Variants in CKAP2 observed in about 807,000 individuals in gnomAD.
CKAP2 encodes the protein cytoskeleton-associated protein 2.
A neutral mutation model predicts 58.4 loss-of-function variants in CKAP2; 46 were observed. The observed-to-expected ratio is 0.79, with a 90% CI of 0.62 to 1.01. The LOEUF (loss-of-function observed/expected upper bound fraction) is 1.01. CKAP2 is among the 50% of genes least tolerant of loss of function. CKAP2 has a pLI of 0.00. For missense variants in CKAP2, 809 were observed against 796.4 expected (o/e 1.02, Z -0.19); for synonymous variants, 293 against 280.9 (o/e 1.04, Z -0.43).
chr13:52,473,686 T>C, intron 7 of CKAP2, 143 bp from the exon 8 acceptor site: 1 of 640,226 alleles, frequency 1.6e-6, no homozygotes, highest in Non-Finnish European at 2.7e-6. Context: ...CAGCAGTATT[T>C]GCTGAGGAAA....
At chr13:52,456,319 GT>G in intron 1 of CKAP2, 1 of 685,086 alleles carries the variant, frequency 1.5e-6, no homozygotes, top group Non-Finnish European at 2.1e-6. Context: ...ATGCAGAGGG[GT>G]TTTGGGGACC....
At chr13:52,470,801 G>T (rs933605935) in intron 7 of CKAP2, among the ~76,000 whole-genome samples, 1 of 152,106 alleles carries the variant, frequency 6.6e-6, no homozygotes, top group Admixed American at 6.5e-5. Context: ...GAGAAGGAGG[G>T]AGAGAAGGGA....
rs1958543095 is a variant in CKAP2, at chr13:52,459,888, G to A, written c.156-1011G>A. On this transcript the variant is annotated intron_variant, in intron 2 of 8. Coordinates refer to ENST00000258607, the MANE Select transcript of CKAP2 (RefSeq NM_018204.5). The stretch of plus-strand genomic sequence containing the variant: ...ACTAACGTTCTTTTTTTTGAGAGAT[G>A]ATCTCATTCTGTGTCACTCAGCCTC... Among the ~76,000 whole-genome samples, 3 of 151,962 alleles carry A rather than the reference G, an allele frequency of 2.0e-5. No individual in the cohort carries two copies. In the East Asian group the frequency reaches 5.8e-4, roughly 29 times the overall value.
At chr13:52,456,277 A>G (rs1015190348) in intron 1 of CKAP2, 2 of 825,606 alleles carry the variant, frequency 2.4e-6, no homozygotes, top group Admixed American at 4.2e-5. Flanking sequence ...TGTTCTCCAG[A>G]TTTTTCACAG....
chr13:52,471,903 A>G (rs1353227612), intron 7 of CKAP2, among the ~76,000 whole-genome samples: 2 of 152,052 alleles, frequency 1.3e-5, no homozygotes, highest in Non-Finnish European at 2.9e-5. Context: ...TCCATTCTCA[A>G]CACTGCAACC....
At position 52,475,108 on chromosome 13, in the gene CKAP2, G is replaced by A; in HGVS notation, c.2016G>A (p.Leu672=). Residue 672 remains leucine, a synonymous_variant, in exon 9 of 9, where the codon CTG becomes CTA. Transcript: ENST00000258607. ...DAFVCRPNAA[L]CRVYYEADTT ...TTGTATGCCGCCCTAATGCAGCACT[G>A]TGCCGGGTGTACTATGAGGCTGATA... 1.9e-6 allele frequency: 3 copies of A among 1,614,182 alleles called. No homozygotes were observed. Among genetic ancestry groups the A allele is most frequent in the Non-Finnish European group, 2.5e-6 (3 of 1,180,040 alleles).
intron 5 of CKAP2, among the ~76,000 whole-genome samples, chr13:52,463,714 G>C (rs1958619999): frequency 1.3e-5 from 2 of 152,158 alleles, no homozygotes; most frequent in African/African-American, 4.8e-5. Context: ...GGTTCTCTAG[G>C]GATAAGGAGG....
rs1958483208 is a variant in CKAP2, at chr13:52,456,544, A to G, written c.92A>G (p.Lys31Arg). ...CTAGAGCAAAGAAGACAAAAACTCA[A>G]GGAACATCTGTTGAGAAGAAAAACG... The part of the protein sequence containing the change: ...AFKEQRRQKL[K>R]EHLLRRKTLF... Residue 31 changes from lysine (K) to arginine (R), a missense_variant, in exon 2 of 9, where the codon AAG becomes AGG. Physicochemically the swap from Lys to Arg is conservative, Grantham distance 26. This residue lies in a region of CKAP2 where 523 missense variants were observed against 492.4 expected (regional missense o/e 1.06). Coordinates refer to ENST00000258607, the MANE Select transcript of CKAP2 (RefSeq NM_018204.5). The G allele has an allele frequency of 6.2e-7, 1 of 1,613,498 alleles. No homozygotes were observed. The highest frequency in any genetic ancestry group is 1.3e-5 in the African/African-American group (1 of 74,926).
Position 52,474,070 on chromosome 13 carries a change from G to A in CKAP2, c.1788G>A (p.Thr596=), listed in dbSNP as rs907089968. ...TAATTAAATATAATGTGTCTACTACGCCATACTTGCAAAGGTAAACTTTTA... is the reference window on the plus strand; with the variant it reads ...TAATTAAATATAATGTGTCTACTACACCATACTTGCAAAGGTAAACTTTTA... ...SCLIKYNVST[T]PYLQSVKKKV... Residue 596 remains threonine (T), a synonymous_variant, in exon 8 of 9, where the codon ACG becomes ACA. Coordinates refer to ENST00000258607, the MANE Select transcript of CKAP2 (RefSeq NM_018204.5). 6 of 1,609,304 alleles carry A rather than the reference G, an allele frequency of 3.7e-6. No homozygotes were observed. The highest frequency in any genetic ancestry group is 2.2e-5 in the East Asian group (1 of 44,802).
At chr13:52,462,679 A>T in intron 5 of CKAP2, 112 bp downstream of exon 5, 1 of 779,874 alleles carries the variant, frequency 1.3e-6, no homozygotes, top group Non-Finnish European at 2.0e-6. Flanking sequence ...TGGTGATACT[A>T]TGTTGACTTA....
chr13:52,455,489 C>CGGCGGT lies in CKAP2; in HGVS notation c.-65_-60dup. ...GGCTTAGCCGCGGTGCAGACTGCGGCGGCGGTGGTCTGAGGAAGTTCTATC... is the reference window on the plus strand; with the variant it reads ...GGCTTAGCCGCGGTGCAGACTGCGGCGGCGGTGGCGGTGGTCTGAGGAAGTTCTATC... On this transcript the variant is annotated 5_prime_UTR_variant, in exon 1 of 9. Coordinates refer to ENST00000258607, the MANE Select transcript of CKAP2 (RefSeq NM_018204.5). 2 of 1,581,804 alleles carry CGGCGGT rather than the reference C, an allele frequency of 1.3e-6. No homozygotes were observed. Among genetic ancestry groups the CGGCGGT allele is most frequent in the South Asian group, 2.2e-5 (2 of 90,516 alleles).
Position 52,475,190 on chromosome 13 carries a change from G to A in CKAP2, c.*49G>A. 1 of 1,590,728 alleles carries A rather than the reference G, an allele frequency of 6.3e-7. No homozygotes were observed. The highest frequency in any genetic ancestry group is 1.8e-5 in the Admixed American group (1 of 56,788). On this transcript the variant is annotated 3_prime_UTR_variant, in exon 9 of 9. Coordinates refer to ENST00000258607, the MANE Select transcript of CKAP2 (RefSeq NM_018204.5). ...ATGGGGTTTTTATTATTTGTGGGGT[G>A]TTTTGTTTTGAGTAGCTTTATATTG...
At chr13:52,464,437 C>A (rs966881126) in intron 5 of CKAP2, among the ~76,000 whole-genome samples, 1 of 151,384 alleles carries the variant, frequency 6.6e-6, no homozygotes, top group Non-Finnish European at 1.5e-5. Context: ...CCTGTAATCT[C>A]AGCTACTCAG....
At chr13:52,459,804 G>GGC (rs1958541814) in intron 2 of CKAP2, among the ~76,000 whole-genome samples, 1 of 152,258 alleles carries the variant, frequency 6.6e-6, no homozygotes, top group East Asian at 1.9e-4. Flanking sequence ...GTTTATAGCT[G>GGC]TAAAAATAAG....
intron 5 of CKAP2, among the ~76,000 whole-genome samples, chr13:52,464,422 G>A (rs1368138552): frequency 2.0e-5 from 3 of 151,940 alleles, no homozygotes; most frequent in African/African-American, 4.8e-5. Flanking sequence ...GCATGGAGGC[G>A]GGTGCCTGTA....
chr13:52,457,002 C>T (rs1482245874), intron 2 of CKAP2, among the ~76,000 whole-genome samples: 1 of 152,028 alleles, frequency 6.6e-6, no homozygotes, highest in African/African-American at 2.4e-5. Flanking sequence ...AAGTGAATCT[C>T]CTGCCTCAGC....
rs1345935472 is a variant in CKAP2, at chr13:52,455,521, C to T, written c.-36C>T. 1.9e-6 allele frequency: 3 copies of T among 1,612,122 alleles called. No individual in the cohort carries two copies. Among genetic ancestry groups the T allele is most frequent in the African/African-American group, 1.3e-5 (1 of 74,914 alleles). Reference sequence around the variant, plus strand: ...GGTCTGAGGAAGTTCTATCTTGGCGCTAAAGCGGAGACGCATCCCCCGACC... The same window carrying T: ...GGTCTGAGGAAGTTCTATCTTGGCGTTAAAGCGGAGACGCATCCCCCGACC... On this transcript the variant is annotated 5_prime_UTR_variant, in exon 1 of 9. Coordinates refer to ENST00000258607, the MANE Select transcript of CKAP2 (RefSeq NM_018204.5).
intron 7 of CKAP2, among the ~76,000 whole-genome samples, chr13:52,472,439 A>G (rs1282776932): frequency 6.6e-6 from 1 of 152,214 alleles, no homozygotes; most frequent in Non-Finnish European, 1.5e-5. Context: ...TCATGCAACT[A>G]AAACTTCTCT....
In CKAP2 at chr13:52,461,677, C is replaced by T. The variant is rs781690602; in HGVS notation, c.851C>T (p.Pro284Leu). 6 of 1,613,990 alleles carry T rather than the reference C, an allele frequency of 3.7e-6. No homozygotes were observed. Among genetic ancestry groups the T allele is most frequent in the Non-Finnish European group, 5.1e-6 (6 of 1,179,990 alleles). Residue 284 changes from proline to leucine, a missense_variant, in exon 4 of 9, where the codon CCT becomes CTT. By Grantham distance (98) the Pro-to-Leu change is moderately conservative. Coordinates refer to ENST00000258607, the MANE Select transcript of CKAP2 (RefSeq NM_018204.5). ...TSANVTIRKG[P>L]HEKELLQSKT... Reference sequence around the variant, plus strand: ...GCCAATGTTACAATCCGGAAAGGGCCTCATGAAAAAGAACTATTACAATCA... The same window carrying T: ...GCCAATGTTACAATCCGGAAAGGGCTTCATGAAAAAGAACTATTACAATCA...
Sources: gnomAD v4.1 joint callset for allele counts (sites outside exome capture counted in the v4.1 genomes callset) on GRCh38, gnomAD v4.1.1 for gene constraint, gnomAD v4.1.1 regional missense constraint, MANE v1.5 for transcripts, NCBI Gene and HGNC (gene_info 2026-07-23, HGNC 2026-07-21) for gene names.